PCM1: variants seen among roughly 807,000 people sequenced by gnomAD.
The protein encoded by PCM1 is pericentriolar material 1, also known as pericentriolar material 1 protein.
A neutral mutation model predicts 241.9 loss-of-function variants in PCM1; 157 were observed. That is an observed-to-expected ratio of 0.65 (90% confidence interval 0.57 to 0.74). PCM1 has a LOEUF of 0.74. PCM1 is among the 30% of genes least tolerant of loss of function. PCM1 has a pLI of 0.00. For missense variants in PCM1, 3,478 were observed against 2,360.1 expected (o/e 1.47, Z -9.81); for synonymous variants, 1,085 against 784.9 (o/e 1.38, Z -6.39).
chr8:18,029,297 A>C lies in PCM1; in HGVS notation c.*1635A>C. On this transcript the variant is annotated 3_prime_UTR_variant, in exon 39 of 39. Coordinates refer to ENST00000325083, the MANE Select transcript of PCM1 (RefSeq NM_006197.4). ...AAATTATGGAAGACAATATATCTTC[A>C]ACTTTAATAAAACCTATTCAGAAAA... The C allele has an allele frequency of 4.6e-6, 1 of 215,628 alleles. No homozygotes were observed. The allele number at this position is 215,628 out of a possible 1,614,324, so 13.4% of individuals were successfully genotyped here.
intron 29 of PCM1, among the ~76,000 whole-genome samples, chr8:17,995,123 TC>T (rs2086210719): frequency 6.6e-6 from 1 of 151,418 alleles, no homozygotes; most frequent in African/African-American, 2.5e-5. Flanking sequence ...CTGCAGAGTT[TC>T]CCCACTGTTT....
intron 6 of PCM1, among the ~76,000 whole-genome samples, chr8:17,943,431 T>C (rs2062816013): frequency 6.6e-6 from 1 of 152,180 alleles, no homozygotes; most frequent in Admixed American, 6.5e-5. Context: ...TGAAGCATAA[T>C]AGGTAACCAT....
At position 17,972,544 on chromosome 8, in the gene PCM1, C is replaced by T. The variant is rs754101437; in HGVS notation, c.3800C>T (p.Pro1267Leu). Residue 1267 changes from proline to leucine, a missense_variant, in exon 23 of 39, where the codon CCA (proline) becomes CTA (leucine). Coordinates refer to ENST00000325083, the MANE Select transcript of PCM1 (RefSeq NM_006197.4). ...SLESFSSMPD[P>L]VDPTTVTKTF... The stretch of plus-strand genomic sequence containing the variant: ...GAAAGCTTTAGCAGTATGCCTGATC[C>T]AGTAGATCCAACAACAGTGACTAAA... The T allele has an allele frequency of 1.2e-6, 2 of 1,613,814 alleles. No individual in the cohort carries two copies. Among genetic ancestry groups the T allele is most frequent in the Non-Finnish European group, 8.5e-7 (1 of 1,179,758 alleles).
At chr8:17,959,810 T>C (rs965467843) in intron 13 of PCM1, among the ~76,000 whole-genome samples, 7 of 152,158 alleles carry the variant, frequency 4.6e-5, no homozygotes, top group African/African-American at 1.4e-4. Context: ...AGAAGAGTTA[T>C]TGAGGTGAGA....
In PCM1 at chr8:17,947,312, C is replaced by A; in HGVS notation, c.910C>A (p.Leu304Ile). ...TCTACAGGGACGGCAGGCTGCACTT[C>A]TAGCTCTGCAACATAAAGCAGAGCA... ...RALQGRQAAL[L>I]ALQHKAEQAI... The change falls in exon 7 of 39, where the codon CTA (leucine) becomes ATA (isoleucine). Residue 304 changes from leucine to isoleucine, a missense_variant. Transcript: ENST00000325083. 1 of 1,612,590 alleles carries A rather than the reference C, an allele frequency of 6.2e-7. No individual in the cohort carries two copies. The highest frequency in any genetic ancestry group is 8.5e-7 in the Non-Finnish European group (1 of 1,179,082).
At chr8:17,953,288 A>G in intron 9 of PCM1, 102 bp downstream of exon 9, 1 of 569,168 alleles carries the variant, frequency 1.8e-6, no homozygotes, top group Non-Finnish European at 2.9e-6. Flanking sequence ...TAGCTCCTCA[A>G]AAATATTTGT....
At chr8:17,948,856 A>G (rs1361663018) in intron 7 of PCM1, among the ~76,000 whole-genome samples, 1 of 152,178 alleles carries the variant, frequency 6.6e-6, no homozygotes, top group Non-Finnish European at 1.5e-5. Flanking sequence ...TTCCTTTGGT[A>G]GTTAATATTA....
rs1284324233 is a variant in PCM1 at position 17,953,167 on chromosome 8, G to C, written c.1269G>C (p.Gln423His). The C allele has an allele frequency of 6.4e-7, 1 of 1,567,556 alleles. No homozygotes were observed. Among genetic ancestry groups the C allele is most frequent in the Non-Finnish European group, 8.7e-7 (1 of 1,153,134 alleles). ...GAGAACTTCATACACTTCGAGATCA[G>C]CATCTTAACAATTCATCATGTGAGT... Reference protein sequence around the residue: ...LLGELHTLRDQHLNNSSSSPQ... With the variant: ...LLGELHTLRDHHLNNSSSSPQ... Residue 423 changes from glutamine to histidine, a missense_variant, in exon 9 of 39, where the codon CAG (glutamine) becomes CAC (histidine). Physicochemically the swap from Gln to His is conservative, Grantham distance 24 (BLOSUM62 0). Coordinates refer to ENST00000325083, the MANE Select transcript of PCM1 (RefSeq NM_006197.4).
At position 17,931,072 on chromosome 8, in the gene PCM1, A is replaced by T. The variant is rs965973976; in HGVS notation, c.-22-4517A>T. Among the ~76,000 whole-genome samples, 5 of 152,308 alleles carry T rather than the reference A, an allele frequency of 3.3e-5. No individual in the cohort carries two copies. In the Middle Eastern group the frequency reaches 0.01, roughly 311 times the overall value. On this transcript the variant is annotated intron_variant, in intron 2 of 38. Coordinates refer to ENST00000325083, the MANE Select transcript of PCM1 (RefSeq NM_006197.4). ...AAATTGTTCATTTTGCCAACCTGAT[A>T]GATTAGACTTTAGTAAATTTTGTTT...
At chr8:17,947,862 A>G (rs1243348690) in intron 7 of PCM1, among the ~76,000 whole-genome samples, 1 of 152,182 alleles carries the variant, frequency 6.6e-6, no homozygotes, top group Non-Finnish European at 1.5e-5. Flanking sequence ...CCTTGGAACT[A>G]TATTTATAGT....
intron 10 of PCM1, 37 bp from the exon 11 acceptor site, chr8:17,956,567 G>C (rs1377493788): frequency 7.8e-7 from 1 of 1,288,602 alleles, no homozygotes; most frequent in Admixed American, 2.2e-5. Flanking sequence ...TTGCTAAAAT[G>C]GGTGTAAATC....
intron 26 of PCM1, among the ~76,000 whole-genome samples, chr8:17,988,395 A>G (rs1587917209): frequency 6.6e-6 from 1 of 151,906 alleles, no homozygotes; most frequent in South Asian, 2.1e-4. Context: ...ATCACACTAT[A>G]CACAAAATTA....
intron 2 of PCM1, among the ~76,000 whole-genome samples, chr8:17,930,837 G>T (rs1218644543): frequency 6.6e-6 from 1 of 151,306 alleles, no homozygotes; most frequent in African/African-American, 2.4e-5. Context: ...CCCAGATGGC[G>T]CCACTGCACT....
chr8:17,952,943 TC>T, intron 8 of PCM1, 26 bp from the exon 9 acceptor site: 2 of 1,391,652 alleles, frequency 1.4e-6, no homozygotes, highest in South Asian at 2.7e-5. Flanking sequence ...TCTTAATTCT[TC>T]TTTTTTGTTG....
intron 10 of PCM1, chr8:17,955,889 G>A: frequency 1.9e-6 from 1 of 518,810 alleles, no homozygotes. Flanking sequence ...TTCAAATAAA[G>A]GATCAAAAAT....
rs2080707849 is a variant in PCM1, at chr8:17,981,321, T to C, written c.4108+566T>C. On this transcript the variant is annotated intron_variant, in intron 24 of 38. Coordinates refer to ENST00000325083, the MANE Select transcript of PCM1 (RefSeq NM_006197.4). ...TTGTAAGTTCGTTTCTCTGCTGGAC[T>C]CTTAATACAATTTTAATTCTGAAAC... Among the ~76,000 whole-genome samples, 6 of 152,238 alleles carry C rather than the reference T, an allele frequency of 3.9e-5. 1 individual carries two copies. The South Asian group carries it at 1.2e-3, about 31-fold the overall frequency.
chr8:17,975,958 T>C (rs930300320), intron 23 of PCM1, among the ~76,000 whole-genome samples: 1 of 152,226 alleles, frequency 6.6e-6, no homozygotes, highest in African/African-American at 2.4e-5. Context: ...TTGTTTACAC[T>C]ATACTCTTCT....
chr8:18,003,035 C>CT (rs932365529), intron 29 of PCM1, among the ~76,000 whole-genome samples: 4 of 152,312 alleles, frequency 2.6e-5, no homozygotes, highest in Non-Finnish European at 5.9e-5. Flanking sequence ...TTGAACTCAA[C>CT]TGTTTGGTCA....
At chr8:17,962,620 G>A (rs1036491086) in intron 16 of PCM1, among the ~76,000 whole-genome samples, 4 of 151,952 alleles carry the variant, frequency 2.6e-5, no homozygotes, top group African/African-American at 4.8e-5. Flanking sequence ...CTATTAATAG[G>A]CCATGTGCGG....
Sources: gnomAD v4.1 joint callset for allele counts (sites outside exome capture counted in the v4.1 genomes callset) on GRCh38, gnomAD v4.1.1 for gene constraint, MANE v1.5 for transcripts, NCBI Gene and HGNC (gene_info 2026-07-23, HGNC 2026-07-21) for gene names.